Variants in CACNA1C observed in about 807,000 individuals in gnomAD.
CACNA1C encodes voltage-dependent L-type calcium channel subunit alpha-1C.
A neutral mutation model predicts 229.0 loss-of-function variants in CACNA1C; 30 were observed. That is an observed-to-expected ratio of 0.13 (90% confidence interval 0.10 to 0.18). The LOEUF is 0.18. Among genes scored for constraint, CACNA1C ranks in the 10% least tolerant of loss-of-function variants. CACNA1C has a pLI of 1.00. For synonymous variants in CACNA1C, 1,114 were observed against 1,132.5 expected, an observed-to-expected ratio of 0.98 and a Z score of 0.33; for missense variants, 1,658 against 2,845.0, an observed-to-expected ratio of 0.58 and a Z score of 9.49.
Position 2,601,928 on chromosome 12 carries a change from G to A in CACNA1C, c.2928G>A (p.Val976=). ...RNYFNILDLL[V]VSVSLISFGI... ...ACTTCAACATCCTGGACCTGCTGGTGGTCAGCGTGTCCCTCATCTCCTTTG... is the reference window on the plus strand; with the variant it reads ...ACTTCAACATCCTGGACCTGCTGGTAGTCAGCGTGTCCCTCATCTCCTTTG... The change falls in exon 22 of 47, where the codon GTG becomes GTA. Residue 976 remains valine, a synonymous_variant. Coordinates refer to ENST00000399655, the MANE Select transcript of CACNA1C (RefSeq NM_000719.7). The surrounding 1 kb of genome is among the most constrained non-coding windows in gnomAD (Gnocchi z 5.9). 1.2e-6 allele frequency: 2 copies of A among 1,613,532 alleles called. No individual in the cohort carries two copies. The highest frequency in any genetic ancestry group is 1.7e-6 in the Non-Finnish European group (2 of 1,179,450).
Position 2,651,603 on chromosome 12 carries a change from T to C in CACNA1C, c.3946-37T>C. ...CCTCCTGTTCTCACCCCCCTCTTGC[T>C]GTGCTAACTGCACCTCCTGTTGCCG... On this transcript the variant is annotated intron_variant, in intron 31 of 46. Transcript: ENST00000399655. This position sits in a 1 kb window ranked among gnomAD's most constrained non-coding sequence, Gnocchi z 5.4. The C allele has an allele frequency of 6.2e-7, 1 of 1,613,912 alleles. No homozygotes were observed. The highest frequency in any genetic ancestry group is 2.2e-5 in the East Asian group (1 of 44,860).
chr12:2,415,256 C>G (rs1445985894), intron 3 of CACNA1C, among the ~76,000 whole-genome samples: 2 of 152,160 alleles, frequency 1.3e-5, no homozygotes, highest in African/African-American at 4.8e-5. Flanking sequence ...TTTTTTATCT[C>G]TCACCTTGTT....
intron 1 of CACNA1C, among the ~76,000 whole-genome samples, chr12:2,068,474 C>A (rs1217451149): frequency 6.6e-6 from 1 of 152,220 alleles, no homozygotes; most frequent in Non-Finnish European, 1.5e-5. Flanking sequence ...CTGCAGCGGC[C>A]AGAGCCCCTG....
At chr12:2,125,943 ATTC>A (rs1459925448) in intron 3 of CACNA1C, among the ~76,000 whole-genome samples, 1 of 152,234 alleles carries the variant, frequency 6.6e-6, no homozygotes, top group Non-Finnish European at 1.5e-5. Flanking sequence ...ATTAGAAAAG[ATTC>A]TTCTTTTCAC....
At chr12:2,189,866 C>A (rs925122617) in intron 3 of CACNA1C, among the ~76,000 whole-genome samples, 1 of 152,164 alleles carries the variant, frequency 6.6e-6, no homozygotes, top group African/African-American at 2.4e-5. Context: ...AGATGCAGAT[C>A]CCTTGAGATC....
In CACNA1C at chr12:2,367,860, C is replaced by T. The variant is rs147454938; in HGVS notation, c.478-81116C>T. Among the ~76,000 whole-genome samples the T allele has an allele frequency of 6.3e-3, 952 of 151,562 alleles. 6 individuals are homozygous for T. Among genetic ancestry groups the T allele is most frequent in the African/African-American group, 0.022 (908 of 41,298 alleles). The stretch of plus-strand genomic sequence containing the variant: ...ACTTTAGATAATTTTTTTCAAAATA[C>T]AGAAGAACATTAAAGTTAAAAATTT... On this transcript the variant is annotated intron_variant, in intron 3 of 46. Transcript: ENST00000399655.
intron 8 of CACNA1C, among the ~76,000 whole-genome samples, chr12:2,505,521 C>T (rs1215063779): frequency 1.3e-5 from 2 of 152,038 alleles, no homozygotes; most frequent in African/African-American, 2.4e-5. Context: ...TAGAAGTAAC[C>T]GGGCATGGTG....
At chr12:2,245,195 A>G (rs1238029952) in intron 3 of CACNA1C, among the ~76,000 whole-genome samples, 2 of 152,226 alleles carry the variant, frequency 1.3e-5, no homozygotes, top group African/African-American at 2.4e-5. Context: ...AAGGTGGTTC[A>G]ATTAATGGCA....
At chr12:2,039,675 G>A (rs1466313333) in intron 1 of CACNA1C, among the ~76,000 whole-genome samples, 3 of 152,176 alleles carry the variant, frequency 2.0e-5, no homozygotes, top group Non-Finnish European at 4.4e-5. Flanking sequence ...GGAACACAGA[G>A]GAAGAAGAAC....
rs1351309975 is a variant in CACNA1C at position 2,575,464 on chromosome 12, C to T, written c.1896-6126C>T. ...CGGAAGCTCTGCTCTGAGGACACCC[C>T]CTCCTGTGCTCACTTGCTGGATGGA... is the stretch of plus-strand genomic sequence containing the variant. On this transcript the variant is annotated intron_variant, in intron 13 of 46. Transcript: ENST00000399655. The surrounding 1 kb of genome is among the most constrained non-coding windows in gnomAD (Gnocchi z 4.0). Among the ~76,000 whole-genome samples the T allele has an allele frequency of 1.3e-5, 2 of 152,150 alleles. No homozygotes were observed. Among genetic ancestry groups the T allele is most frequent in the African/African-American group, 4.8e-5 (2 of 41,424 alleles).
At chr12:2,565,163 G>A (rs1361545843) in intron 11 of CACNA1C, among the ~76,000 whole-genome samples, 2 of 152,144 alleles carry the variant, frequency 1.3e-5, no homozygotes, top group Non-Finnish European at 2.9e-5. Context: ...AACCACCTGG[G>A]GAGCCTTAAA....
In CACNA1C at chr12:2,582,119, C is replaced by T. The variant is rs76673798; in HGVS notation, c.2103+322C>T. Reference sequence around the variant, plus strand: ...CCACTGCACACTCTAGCCTAGGTGACGGAGCAAGACTCCGTCTCAAATAAA... The same window carrying T: ...CCACTGCACACTCTAGCCTAGGTGATGGAGCAAGACTCCGTCTCAAATAAA... On this transcript the variant is annotated intron_variant, in intron 14 of 46. Coordinates refer to ENST00000399655, the MANE Select transcript of CACNA1C (RefSeq NM_000719.7). Among the ~76,000 whole-genome samples the T allele has an allele frequency of 4.0e-3, 601 of 151,022 alleles. 18 individuals are homozygous for T. The East Asian group carries it at 0.051, about 13-fold the overall frequency.
intron 18 of CACNA1C, among the ~76,000 whole-genome samples, chr12:2,592,266 GCAAA>G (rs2065736911): frequency 1.3e-5 from 2 of 152,208 alleles, no homozygotes; most frequent in Non-Finnish European, 2.9e-5. Flanking sequence ...AATAAAAGCA[GCAAA>G]CACTTACTTA....
At chr12:2,266,501 C>T (rs1373576224) in intron 3 of CACNA1C, among the ~76,000 whole-genome samples, 1 of 152,218 alleles carries the variant, frequency 6.6e-6, no homozygotes, top group African/African-American at 2.4e-5. Flanking sequence ...ACTGCCAGGG[C>T]TGGCATGATG....
At chr12:2,141,842 T>C (rs909991610) in intron 3 of CACNA1C, among the ~76,000 whole-genome samples, 1 of 151,238 alleles carries the variant, frequency 6.6e-6, no homozygotes, top group Non-Finnish European at 1.5e-5. Context: ...ATTTTCAAGC[T>C]CAACCCTTTC....
rs1199771468 is a variant in CACNA1C, at chr12:2,694,002, A to C, written c.*2803A>C. ...GTCTAGAAACAGAGTTTCTTTATGG[A>C]TATCCACACCCAAGTCATCCAAACT... is the stretch of plus-strand genomic sequence containing the variant. On this transcript the variant is annotated 3_prime_UTR_variant, in exon 47 of 47. Transcript: ENST00000399655. The C allele has an allele frequency of 6.6e-6, 1 of 152,218 alleles. No homozygotes were observed. Among genetic ancestry groups the C allele is most frequent in the African/African-American group, 2.4e-5 (1 of 41,454 alleles). 9.4% of individuals were successfully genotyped at this position (152,218 alleles called of 1,614,324 possible). A position where few individuals can be genotyped will look rare whatever the true frequency, so the allele number is the denominator to read the frequency against.
At chr12:2,085,227 C>T (rs1469302205) in intron 1 of CACNA1C, among the ~76,000 whole-genome samples, 2 of 152,200 alleles carry the variant, frequency 1.3e-5, no homozygotes, top group Non-Finnish European at 2.9e-5. Context: ...GTATTAATCA[C>T]ACTGGTGATG....
At chr12:2,268,582 C>A (rs928506557) in intron 3 of CACNA1C, among the ~76,000 whole-genome samples, 1 of 151,992 alleles carries the variant, frequency 6.6e-6, no homozygotes, top group Non-Finnish European at 1.5e-5. Context: ...GGGCTCCCAG[C>A]GAGGGAACAG....
chr12:2,087,584 A>C (rs1315305081), intron 1 of CACNA1C, among the ~76,000 whole-genome samples: 3 of 152,210 alleles, frequency 2.0e-5, no homozygotes, highest in Non-Finnish European at 4.4e-5. Flanking sequence ...AAAAAGAAGA[A>C]AGTGTCACAT....
Sources: gnomAD v4.1 joint callset for allele counts (sites outside exome capture counted in the v4.1 genomes callset) on GRCh38, gnomAD v4.1.1 for gene constraint, Gnocchi (gnomAD v3.1) non-coding constraint, MANE v1.5 for transcripts, NCBI Gene and HGNC (gene_info 2026-07-23, HGNC 2026-07-21) for gene names.